CACNA1A: variants seen among roughly 807,000 people sequenced by gnomAD.
CACNA1A encodes voltage-dependent P/Q-type calcium channel subunit alpha-1A.
CACNA1A carries 57 observed loss-of-function variants against 262.4 expected under a neutral mutation model. That is an observed-to-expected ratio of 0.22 (90% CI 0.18 to 0.27). CACNA1A has a LOEUF of 0.27. Among genes scored for constraint, CACNA1A ranks in the 10% least tolerant of loss-of-function variants. CACNA1A has a pLI of 1.00. For missense variants in CACNA1A, 2,526 were observed against 3,562.8 expected, an observed-to-expected ratio of 0.71 and a Z score of 7.41; for synonymous variants, 1,431 against 1,419.3, an observed-to-expected ratio of 1.01 and a Z score of -0.18.
At chr19:13,482,268 G>A (rs1044171013) in intron 1 of CACNA1A, among the ~76,000 whole-genome samples, 46 of 152,032 alleles carry the variant, frequency 3.0e-4, no homozygotes, top group African/African-American at 1.1e-3. Flanking sequence ...GGCGGATCAC[G>A]AGGTCAGGAG....
intron 30 of CACNA1A, among the ~76,000 whole-genome samples, chr19:13,246,694 C>T (rs191184874): frequency 5.3e-4 from 81 of 152,070 alleles, no homozygotes; most frequent in Non-Finnish European, 2.5e-4. Flanking sequence ...GGCACGTTCT[C>T]GGCTCACTAC....
At chr19:13,503,555 C>T (rs1982639793) in intron 1 of CACNA1A, among the ~76,000 whole-genome samples, 1 of 151,858 alleles carries the variant, frequency 6.6e-6, no homozygotes, top group African/African-American at 2.4e-5. Context: ...GTGTCTTTCT[C>T]TTTACACTGG....
intron 3 of CACNA1A, among the ~76,000 whole-genome samples, chr19:13,375,365 A>G (rs2059387315): frequency 6.6e-6 from 1 of 152,192 alleles, no homozygotes; most frequent in Non-Finnish European, 1.5e-5. Flanking sequence ...AGACATAACA[A>G]TATTGAAATT....
At chr19:13,303,210 T>A (rs1450254230) in intron 17 of CACNA1A, among the ~76,000 whole-genome samples, 1 of 152,058 alleles carries the variant, frequency 6.6e-6, no homozygotes, top group East Asian at 1.9e-4. Flanking sequence ...GCACTCCCTC[T>A]CCCATCCACT....
intron 1 of CACNA1A, among the ~76,000 whole-genome samples, chr19:13,487,416 C>T (rs1293127992): frequency 1.3e-5 from 2 of 151,940 alleles, no homozygotes; most frequent in East Asian, 1.9e-4. Flanking sequence ...CCAGGGAAGG[C>T]GAGTTCAAAA....
chr19:13,220,128 G>A (rs2055169991), intron 38 of CACNA1A, among the ~76,000 whole-genome samples: 2 of 152,124 alleles, frequency 1.3e-5, no homozygotes, highest in Non-Finnish European at 1.5e-5. Flanking sequence ...GGGCGTGGTG[G>A]TGGGCACCTG....
At chr19:13,466,886 T>TTATTTATG (rs1318886282) in intron 1 of CACNA1A, among the ~76,000 whole-genome samples, 1 of 149,598 alleles carries the variant, frequency 6.7e-6, no homozygotes, top group African/African-American at 2.5e-5. Flanking sequence ...CATTATTTAT[T>TTATTTATG]TATTTATTTA....
At position 13,363,725 on chromosome 19, in the gene CACNA1A, CCT is replaced by C. The variant is rs2059155015; in HGVS notation, c.784+1590_784+1591del. 4 of 152,234 alleles carry C rather than the reference CCT, an allele frequency of 2.6e-5. No homozygotes were observed. In the South Asian group the frequency reaches 8.3e-4, roughly 32 times the overall value. The allele number at this position is 152,234 out of a possible 1,614,324, so 9.4% of individuals were successfully genotyped here. ...CCTTTCCCAAATAAGGGGCCTGAAACCTCTTTCTCTGCCCACCTGGGTTCCCC... is the reference window on the plus strand; with the variant it reads ...CCTTTCCCAAATAAGGGGCCTGAAACCTTTCTCTGCCCACCTGGGTTCCCC... On this transcript the variant is annotated intron_variant, in intron 5 of 46. Coordinates refer to ENST00000360228, the MANE Select transcript of CACNA1A (RefSeq NM_001127222.2).
At chr19:13,255,693 C>CT (rs2056530212) in intron 28 of CACNA1A, among the ~76,000 whole-genome samples, 1 of 128,300 alleles carries the variant, frequency 7.8e-6, no homozygotes, top group African/African-American at 3.0e-5. Flanking sequence ...TCCTTCCTTC[C>CT]TCCCTCCTTC....
intron 35 of CACNA1A, among the ~76,000 whole-genome samples, chr19:13,231,003 T>G (rs200440823): frequency 3.5e-4 from 45 of 126,764 alleles, no homozygotes; most frequent in African/African-American, 1.2e-3. Flanking sequence ...TTTTTTTTTG[T>G]TTGTTTTTGT....
In CACNA1A at chr19:13,310,514, GT is replaced by G. The variant is rs1241417420; in HGVS notation, c.1669-1987del. On this transcript the variant is annotated intron_variant, in intron 12 of 46. Transcript: ENST00000360228. ...AATATATATATATATATATATATAT[GT>G]AGAGAGAGAGAGAGAGTTTAATTTT... Among the ~76,000 whole-genome samples, 464 of 9,518 alleles carry G rather than the reference GT, an allele frequency of 0.049. 117 individuals are homozygous for G. In the East Asian group the frequency reaches 0.61, roughly 13 times the overall value. 6.2% of individuals were successfully genotyped at this position (9,518 alleles called of 152,430 possible).
At chr19:13,417,096 C>T (rs576618413) in intron 3 of CACNA1A, among the ~76,000 whole-genome samples, 2 of 152,136 alleles carry the variant, frequency 1.3e-5, no homozygotes, top group Non-Finnish European at 2.9e-5. Context: ...CCAGAGAGAC[C>T]GTCACCCTCT....
At chr19:13,264,390 T>C (rs7250709) in intron 24 of CACNA1A, among the ~76,000 whole-genome samples, 80,484 of 152,070 alleles carry the variant, frequency 0.53, 22,544 homozygotes, top group Non-Finnish European at 0.64. Context: ...TTCCCTGCCT[T>C]TTCTTCCATG....
At chr19:13,298,285 C>A (rs2057710020) in intron 19 of CACNA1A, among the ~76,000 whole-genome samples, 1 of 151,574 alleles carries the variant, frequency 6.6e-6, no homozygotes, top group South Asian at 2.1e-4. Context: ...CGCCTGCCAC[C>A]GTGCCCGGCT....
chr19:13,374,461 G>C (rs1027385178), intron 3 of CACNA1A, among the ~76,000 whole-genome samples: 4 of 152,028 alleles, frequency 2.6e-5, no homozygotes, highest in African/African-American at 9.7e-5. Context: ...TATTGCCCAG[G>C]CTGGTCTAGA....
At chr19:13,261,350 C>G (rs1223920097) in intron 26 of CACNA1A, 100 bp downstream of exon 26, 2 of 1,047,372 alleles carry the variant, frequency 1.9e-6, no homozygotes, top group Admixed American at 2.5e-5. Context: ...AGGCTCATCA[C>G]TTCTCCAGTC....
intron 32 of CACNA1A, 112 bp from the exon 33 acceptor site, chr19:13,235,386 G>GCC (rs1208469377): frequency 1.9e-6 from 2 of 1,048,834 alleles, no homozygotes; most frequent in African/African-American, 3.2e-5. Context: ...TATGCCACGT[G>GCC]CCAGAGTCCT....
chr19:13,354,024 G>C (rs1379151209), intron 6 of CACNA1A, among the ~76,000 whole-genome samples: 1 of 152,148 alleles, frequency 6.6e-6, no homozygotes, highest in Non-Finnish European at 1.5e-5. Flanking sequence ...CTCCTACCAG[G>C]GTGGAGATTT....
intron 30 of CACNA1A, among the ~76,000 whole-genome samples, chr19:13,249,421 T>C (rs1234315667): frequency 1.3e-5 from 2 of 152,146 alleles, no homozygotes; most frequent in African/African-American, 4.8e-5. Flanking sequence ...AGCGGCTCAA[T>C]CACGACTCAC....
Sources: allele counts gnomAD v4.1 joint callset (sites outside exome capture counted in the v4.1 genomes callset), GRCh38; gene constraint gnomAD v4.1.1; transcripts MANE v1.5; gene names NCBI Gene and HGNC (gene_info 2026-07-23, HGNC 2026-07-21).